Variants in SCN1A observed in about 807,000 individuals in gnomAD.
SCN1A encodes sodium voltage-gated channel alpha subunit 1.
Under a neutral mutation model 193.7 loss-of-function variants are expected in SCN1A, and 13 were observed. The ratio of observed to expected loss-of-function variants is 0.07; its 90% CI spans 0.04 to 0.11. The LOEUF (loss-of-function observed/expected upper bound fraction) is 0.11. Among genes scored for constraint, SCN1A ranks in the 10% least tolerant of loss-of-function variants. The pLI, the probability that SCN1A is intolerant of heterozygous loss-of-function variation, is 1.00. For synonymous variants in SCN1A, 781 were observed against 843.6 expected (o/e 0.93, Z 1.29); for missense variants, 1,432 against 2,451.1 (o/e 0.58, Z 8.78).
At chr2:166,000,100 A>G (rs1012665913) in intron 24 of SCN1A, 7 of 351,030 alleles carry the variant, frequency 2.0e-5, no homozygotes, top group Non-Finnish European at 3.8e-5. Flanking sequence ...AAGTCTTACA[A>G]ATGCCAACAC....
intron 1 of SCN1A, among the ~76,000 whole-genome samples, chr2:166,140,845 G>C (rs954803267): frequency 6.6e-6 from 1 of 152,174 alleles, no homozygotes; most frequent in African/African-American, 2.4e-5. Context: ...CGCAAAACCA[G>C]GATACTTTCA....
At chr2:166,112,595 C>A (rs1439480918) in intron 2 of SCN1A, among the ~76,000 whole-genome samples, 1 of 152,136 alleles carries the variant, frequency 6.6e-6, no homozygotes, top group Admixed American at 6.5e-5. Flanking sequence ...CACAGAGCTC[C>A]TATAACCCTT....
intron 1 of SCN1A, among the ~76,000 whole-genome samples, chr2:166,136,844 G>A (rs538398325): frequency 1.7e-4 from 26 of 152,128 alleles, no homozygotes; most frequent in Non-Finnish European, 3.1e-4. Context: ...AACTAAAGAG[G>A]AATGCAGCTG....
At chr2:166,076,052 T>C (rs971181919) in intron 3 of SCN1A, among the ~76,000 whole-genome samples, 19 of 152,106 alleles carry the variant, frequency 1.2e-4, no homozygotes, top group African/African-American at 4.3e-4. Context: ...TATTAGCCAC[T>C]TGATTTTTTG....
intron 2 of SCN1A, among the ~76,000 whole-genome samples, chr2:166,106,260 T>C (rs1471730260): frequency 6.6e-6 from 1 of 152,090 alleles, no homozygotes; most frequent in African/African-American, 2.4e-5. Flanking sequence ...GTTTAATATA[T>C]GAAGAATTAT....
intron 19 of SCN1A, among the ~76,000 whole-genome samples, chr2:166,027,513 A>C (rs907597505): frequency 6.6e-6 from 1 of 151,842 alleles, no homozygotes; most frequent in Non-Finnish European, 1.5e-5. Context: ...AATATAAATA[A>C]ATCTGGAATT....
At chr2:166,109,025 TTTCTC>T (rs1251229669) in intron 2 of SCN1A, among the ~76,000 whole-genome samples, 1 of 152,202 alleles carries the variant, frequency 6.6e-6, no homozygotes, top group Admixed American at 6.5e-5. Flanking sequence ...TTTTTATTCT[TTTCTC>T]TTCTATAGGA....
At chr2:166,080,100 TAC>T (rs970452361) in intron 2 of SCN1A, among the ~76,000 whole-genome samples, 17 of 151,762 alleles carry the variant, frequency 1.1e-4, no homozygotes, top group African/African-American at 4.1e-4. Context: ...TCTATTAAAA[TAC>T]AGAAATAAAT....
chr2:166,104,648 TG>T (rs1299938556), intron 2 of SCN1A, among the ~76,000 whole-genome samples: 4 of 151,876 alleles, frequency 2.6e-5, no homozygotes, highest in Non-Finnish European at 5.9e-5. Context: ...AAGGCTGAGG[TG>T]GGGGGATTGC....
rs548170185 is a variant in SCN1A, at chr2:166,044,935, A to G, written c.1662+108T>C. On this transcript the variant is annotated intron_variant, in intron 13 of 28. Coordinates refer to ENST00000674923, the MANE Select transcript of SCN1A (RefSeq NM_001165963.4). ...GGGATGGGTTTAAATATAACACAAC[A>G]GTGGTTGATTCAGTTGATAAAAATT... The G allele has an allele frequency of 4.4e-5, 52 of 1,180,900 alleles. No individual in the cohort carries two copies. The African/African-American group carries it at 7.4e-4, about 17-fold the overall frequency. 73.2% of individuals were successfully genotyped at this position (1,180,900 alleles called of 1,614,324 possible).
intron 4 of SCN1A, among the ~76,000 whole-genome samples, chr2:166,062,953 A>G (rs1683469672): frequency 6.6e-6 from 1 of 152,204 alleles, no homozygotes; most frequent in South Asian, 2.1e-4. Context: ...TTGGTGGTGG[A>G]GGAGAAAAGG....
rs374368401 is a variant in SCN1A, at chr2:166,036,012, A to G, written c.3429+36T>C. On this transcript the variant is annotated intron_variant, in intron 19 of 28. Transcript: ENST00000674923. The stretch of plus-strand genomic sequence containing the variant: ...TATGTGTGTATATGTATATATGTAT[A>G]TGTATTCATACCTTCCCACACCTAT... 11 of 1,598,522 alleles carry G rather than the reference A, an allele frequency of 6.9e-6. No homozygotes were observed. In the South Asian group the frequency reaches 8.8e-5, roughly 13 times the overall value.
chr2:166,015,097 C>T (rs541943015), intron 20 of SCN1A, among the ~76,000 whole-genome samples: 1 of 151,940 alleles, frequency 6.6e-6, no homozygotes, highest in East Asian at 1.9e-4. Flanking sequence ...AAAAACATAT[C>T]TCTTCTATCT....
intron 2 of SCN1A, among the ~76,000 whole-genome samples, chr2:166,103,960 C>A (rs1024847214): frequency 6.6e-6 from 1 of 152,146 alleles, no homozygotes; most frequent in African/African-American, 2.4e-5. Flanking sequence ...TGACTCTAGC[C>A]CTAGTTTCTT....
intron 3 of SCN1A, chr2:166,075,392 C>T (rs1181052335): frequency 6.6e-6 from 1 of 151,886 alleles, no homozygotes; most frequent in African/African-American, 2.4e-5. Flanking sequence ...TATACATATT[C>T]TATTTTAAAA....
At chr2:166,128,573 A>G (rs932408723), upstream of SCN1A, among the ~76,000 whole-genome samples, 21 of 152,276 alleles carry the variant, frequency 1.4e-4, no homozygotes, top group African/African-American at 5.1e-4. Context: ...TGATGAACAC[A>G]TGCCTTTAAC....
At chr2:166,067,700 CTT>C (rs5836079) in intron 4 of SCN1A, among the ~76,000 whole-genome samples, 65 of 128,224 alleles carry the variant, frequency 5.1e-4, no homozygotes, top group Admixed American at 8.9e-4. Flanking sequence ...GAGTACATAG[CTT>C]TTTTTTTTTT....
intron 1 of SCN1A, among the ~76,000 whole-genome samples, chr2:166,141,080 AC>A (rs1692061568): frequency 6.6e-6 from 1 of 152,040 alleles, no homozygotes. Context: ...TTCCTTCTGC[AC>A]CTTGAACATG....
intron 19 of SCN1A, among the ~76,000 whole-genome samples, chr2:166,020,701 T>TA (rs1011225003): frequency 6.6e-6 from 1 of 152,196 alleles, no homozygotes; most frequent in Admixed American, 6.5e-5. Flanking sequence ...ACATGTACAT[T>TA]AAAAAACCAT....
Sources: gnomAD v4.1 joint callset for allele counts (sites outside exome capture counted in the v4.1 genomes callset) on GRCh38, gnomAD v4.1.1 for gene constraint, MANE v1.5 for transcripts, NCBI Gene and HGNC (gene_info 2026-07-23, HGNC 2026-07-21) for gene names.